The following PTK2 variants were observed in gnomAD, a reference collection of about 807,000 sequenced individuals.
PTK2 encodes the protein protein tyrosine kinase 2.
PTK2 carries 45 observed loss-of-function variants against 150.1 expected under a neutral mutation model. The observed-to-expected ratio is 0.30, with a 90% confidence interval of 0.24 to 0.38. PTK2 has a LOEUF of 0.38. Ranked by LOEUF, PTK2 falls within the 10% of genes least tolerant of loss-of-function variation. The pLI, the probability that PTK2 is intolerant of heterozygous loss-of-function variation, is 1.00. For synonymous variants in PTK2, 432 were observed against 449.2 expected, an observed-to-expected ratio of 0.96 and a Z score of 0.48; for missense variants, 919 against 1,307.3, an observed-to-expected ratio of 0.70 and a Z score of 4.58.
chr8:140,730,984 G>C (rs1413626235), intron 22 of PTK2, among the ~76,000 whole-genome samples: 7 of 110,066 alleles, frequency 6.4e-5, no homozygotes, highest in Non-Finnish European at 8.8e-5. Context: ...TTGAGACAAA[G>C]TCTCACTCTT....
chr8:140,908,602 A>G (rs1390782255), intron 2 of PTK2, among the ~76,000 whole-genome samples: 1 of 152,210 alleles, frequency 6.6e-6, no homozygotes, highest in African/African-American at 2.4e-5. Flanking sequence ...GTTGAAGCCA[A>G]CACTCATTTC....
intron 23 of PTK2, among the ~76,000 whole-genome samples, chr8:140,716,474 G>A (rs1451679452): frequency 6.6e-6 from 1 of 152,196 alleles, no homozygotes; most frequent in East Asian, 1.9e-4. Flanking sequence ...AGACAGGTAT[G>A]TGTTTCTTCT....
intron 2 of PTK2, chr8:140,920,871 C>A: frequency 6.5e-7 from 1 of 1,529,188 alleles, no homozygotes; most frequent in Non-Finnish European, 8.7e-7. Context: ...TAGATGGCAC[C>A]TGCTGGTTTC....
intron 1 of PTK2, among the ~76,000 whole-genome samples, chr8:140,990,024 G>A (rs1028618880): frequency 1.3e-5 from 2 of 152,010 alleles, no homozygotes; most frequent in Non-Finnish European, 2.9e-5. Flanking sequence ...CAGGTTATAA[G>A]AGCAGAGAAG....
At chr8:140,948,500 A>G (rs1471669482) in intron 1 of PTK2, among the ~76,000 whole-genome samples, 2 of 152,244 alleles carry the variant, frequency 1.3e-5, no homozygotes, top group Non-Finnish European at 2.9e-5. Flanking sequence ...TAAAATTACA[A>G]CAGAAGACTT....
At chr8:140,858,434 AAAAG>A (rs554454882) in intron 5 of PTK2, among the ~76,000 whole-genome samples, 191 of 152,064 alleles carry the variant, frequency 1.3e-3, no homozygotes, top group African/African-American at 3.4e-3. Flanking sequence ...CAGAAAAAAA[AAAAG>A]AAAGAAAGAA....
chr8:140,787,512 T>C (rs949902610), intron 14 of PTK2, among the ~76,000 whole-genome samples: 2 of 152,070 alleles, frequency 1.3e-5, no homozygotes, highest in Non-Finnish European at 2.9e-5. Flanking sequence ...AAAGTGGGGG[T>C]TGGCTGGAAG....
At chr8:140,973,118 C>T (rs370635612) in intron 1 of PTK2, among the ~76,000 whole-genome samples, 1 of 152,194 alleles carries the variant, frequency 6.6e-6, no homozygotes, top group Admixed American at 6.5e-5. Flanking sequence ...ATAATAATTT[C>T]TTGAACTCCC....
Position 140,679,003 on chromosome 8 carries a change from G to GTTTTTTTTTTTT in PTK2, c.2563-3516_2563-3505dup, listed in dbSNP as rs533089786. ...TCACGGCCAGCTGAGTGCTCCCCAT[G>GTTTTTTTTTTTT]TTTTTTTTTTTTTTTTTTTTTTTTT... On this transcript the variant is annotated intron_variant, in intron 27 of 31. Transcript: ENST00000522684. 2.2e-4 allele frequency among the ~76,000 whole-genome samples: 15 copies of GTTTTTTTTTTTT among 69,002 alleles called. 2 individuals are homozygous for GTTTTTTTTTTTT. Among genetic ancestry groups the GTTTTTTTTTTTT allele is most frequent in the East Asian group, 4.6e-4 (1 of 2,156 alleles). The allele number at this position is 69,002 out of a possible 152,430, so 45.3% of individuals were successfully genotyped here.
intron 22 of PTK2, among the ~76,000 whole-genome samples, chr8:140,727,049 A>C (rs1194046504): frequency 6.6e-6 from 1 of 152,224 alleles, no homozygotes. Context: ...TGTATACTGT[A>C]ATTCCCAGAG....
intron 1 of PTK2, among the ~76,000 whole-genome samples, chr8:140,980,917 A>ATT (rs750098819): frequency 3.1e-4 from 42 of 135,788 alleles, no homozygotes; most frequent in African/African-American, 1.1e-3. Flanking sequence ...TGGCCAGCTA[A>ATT]TTTTTTTTTT....
At chr8:140,824,491 T>C (rs1334816775) in intron 8 of PTK2, among the ~76,000 whole-genome samples, 3 of 152,196 alleles carry the variant, frequency 2.0e-5, no homozygotes, top group African/African-American at 7.2e-5. Context: ...CTCCACCAAC[T>C]AAAACTGTTG....
chr8:140,954,422 T>C (rs1285947128), intron 1 of PTK2, among the ~76,000 whole-genome samples: 2 of 152,172 alleles, frequency 1.3e-5, no homozygotes, highest in Non-Finnish European at 2.9e-5. Context: ...AAATGTGAAA[T>C]AGGGAAGAAC....
At chr8:140,762,318 A>T in intron 15 of PTK2, 50 bp downstream of exon 18, 1 of 1,083,930 alleles carries the variant, frequency 9.2e-7, no homozygotes, top group African/African-American at 1.7e-5. Context: ...ATATCACTCC[A>T]CAGGTTGCAA....
At chr8:140,965,602 C>T (rs971795764) in intron 1 of PTK2, among the ~76,000 whole-genome samples, 1 of 152,170 alleles carries the variant, frequency 6.6e-6, no homozygotes, top group African/African-American at 2.4e-5. Flanking sequence ...CTAGGCCAGG[C>T]GTGGTGGCTC....
intron 2 of PTK2, among the ~76,000 whole-genome samples, chr8:140,915,767 T>G (rs537397902): frequency 1.3e-5 from 2 of 151,490 alleles, no homozygotes; most frequent in South Asian, 2.1e-4. Flanking sequence ...CAGGCTGTGG[T>G]GGTGGGTTCC....
At chr8:140,884,610 C>A (rs558313402) in intron 3 of PTK2, among the ~76,000 whole-genome samples, 20 of 152,266 alleles carry the variant, frequency 1.3e-4, no homozygotes, top group African/African-American at 4.8e-4. Context: ...TTGGACTGCT[C>A]TGAAAAGTCC....
intron 1 of PTK2, among the ~76,000 whole-genome samples, chr8:140,982,398 AC>A (rs2154609967): frequency 6.6e-6 from 1 of 152,348 alleles, no homozygotes; most frequent in South Asian, 2.1e-4. Context: ...GGAGTTCGAG[AC>A]CAGCCTGACC....
intron 1 of PTK2, among the ~76,000 whole-genome samples, chr8:140,931,366 A>G (rs2100171693): frequency 6.6e-6 from 1 of 152,178 alleles, no homozygotes; most frequent in Non-Finnish European, 1.5e-5. Context: ...ATATATCTTC[A>G]GCCTAGGCAA....
Sources: gnomAD v4.1 joint callset for allele counts (sites outside exome capture counted in the v4.1 genomes callset) on GRCh38, gnomAD v4.1.1 for gene constraint, MANE v1.5 for transcripts, NCBI Gene and HGNC (gene_info 2026-07-23, HGNC 2026-07-21) for gene names.